ZMYND8: variants seen among roughly 807,000 people sequenced by gnomAD.
ZMYND8 encodes zinc finger MYND-type containing 8.
A neutral mutation model predicts 140.8 loss-of-function variants in ZMYND8; 37 were observed. The observed-to-expected ratio is 0.26, with a 90% confidence interval of 0.20 to 0.35. The LOEUF is 0.35. Among genes scored for constraint, ZMYND8 ranks in the 10% least tolerant of loss-of-function variants. The probability of loss-of-function intolerance (pLI) is 1.00; values close to 1 mark genes in which losing one functional copy is unlikely to be tolerated. For synonymous variants in ZMYND8, 592 were observed against 597.1 expected (o/e 0.99, Z 0.12); for missense variants, 1,068 against 1,570.0 (o/e 0.68, Z 5.40).
chr20:47,224,459 C>T lies in ZMYND8; in HGVS notation c.3114G>A (p.Ala1038=), dbSNP rs745982385. ...KKQLELEKQQ[A]VDETKKKQWC... The stretch of plus-strand genomic sequence containing the variant: ...ACTGCTTCTTCTTGGTCTCATCCAC[C>T]GCCTGCTGCTTCTCCAACTCCAGCT... Residue 1038 remains alanine (A), a synonymous_variant, in exon 19 of 23, where the codon GCG becomes GCA. Coordinates refer to ENST00000471951, the MANE Select transcript of ZMYND8 (RefSeq NM_001281775.3). The T allele has an allele frequency of 7.4e-6, 12 of 1,614,130 alleles. No homozygotes were observed. Among genetic ancestry groups the T allele is most frequent in the African/African-American group, 4.0e-5 (3 of 74,948 alleles).
chr20:47,221,522 T>C (rs1321665694), intron 19 of ZMYND8, 48 bp from the exon 20 acceptor site: 5 of 1,590,790 alleles, frequency 3.1e-6, no homozygotes, highest in South Asian at 1.1e-5. Context: ...CAGAGTACGA[T>C]GATTTTGAAA....
At chr20:47,330,655 G>A (rs548334927) in intron 2 of ZMYND8, among the ~76,000 whole-genome samples, 2 of 152,272 alleles carry the variant, frequency 1.3e-5, no homozygotes, top group East Asian at 3.9e-4. Context: ...TATGTCCCTA[G>A]AGGGAAAAGG....
intron 12 of ZMYND8, among the ~76,000 whole-genome samples, chr20:47,253,211 T>C (rs1008762469): frequency 6.6e-6 from 1 of 152,188 alleles, no homozygotes; most frequent in African/African-American, 2.4e-5. Flanking sequence ...CTCAATTGGC[T>C]GAGGGGAAGG....
intron 4 of ZMYND8, among the ~76,000 whole-genome samples, chr20:47,295,815 G>T: frequency 6.6e-6 from 1 of 152,176 alleles, no homozygotes; most frequent in Non-Finnish European, 1.5e-5. Context: ...ACATCTTAAG[G>T]CTTCAGAATC....
At chr20:47,238,610 C>T (rs2039549326) in intron 15 of ZMYND8, 148 bp downstream of exon 15, 3 of 1,381,154 alleles carry the variant, frequency 2.2e-6, no homozygotes, top group South Asian at 2.7e-5. Context: ...AAAAATAATG[C>T]CAAATGGAAT....
At chr20:47,213,790 C>G (rs1377443792) in intron 21 of ZMYND8, among the ~76,000 whole-genome samples, 3 of 152,180 alleles carry the variant, frequency 2.0e-5, no homozygotes, top group Non-Finnish European at 4.4e-5. Flanking sequence ...TAACTCTCAT[C>G]TTTTAAAGCT....
intron 9 of ZMYND8, among the ~76,000 whole-genome samples, 157 bp downstream of exon 9, chr20:47,283,414 G>A (rs564960235): frequency 5.3e-5 from 8 of 152,198 alleles, no homozygotes; most frequent in African/African-American, 1.7e-4. Context: ...ATCCTACCTG[G>A]ATTACTTTCC....
At chr20:47,349,679 C>G (rs2082613420) in intron 1 of ZMYND8, among the ~76,000 whole-genome samples, 1 of 152,190 alleles carries the variant, frequency 6.6e-6, no homozygotes, top group Non-Finnish European at 1.5e-5. Flanking sequence ...CAAATAGCAA[C>G]CTTGATCTTT....
chr20:47,356,147 T>C (rs1343570133), intron 1 of ZMYND8, among the ~76,000 whole-genome samples: 5 of 151,842 alleles, frequency 3.3e-5, no homozygotes, highest in Non-Finnish European at 7.4e-5. Flanking sequence ...CAGAACCTCT[T>C]TGGAGAGGCA....
At chr20:47,256,471 T>A (rs972685531) in intron 12 of ZMYND8, among the ~76,000 whole-genome samples, 5 of 150,136 alleles carry the variant, frequency 3.3e-5, no homozygotes, top group African/African-American at 1.2e-4. Context: ...ATACAAAAAA[T>A]TAGCCAGGCA....
intron 6 of ZMYND8, 58 bp from the exon 7 acceptor site, chr20:47,290,332 G>T: frequency 6.8e-7 from 1 of 1,476,008 alleles, no homozygotes; most frequent in South Asian, 1.2e-5. Context: ...CACAGTCAGT[G>T]ACTCTTGTGT....
intron 2 of ZMYND8, among the ~76,000 whole-genome samples, chr20:47,326,117 C>A (rs938871388): frequency 1.2e-4 from 19 of 152,146 alleles, no homozygotes; most frequent in Admixed American, 6.5e-5. Flanking sequence ...GCTACCACGC[C>A]CGGCTAATTC....
At chr20:47,333,456 C>A (rs2081115716) in intron 2 of ZMYND8, among the ~76,000 whole-genome samples, 1 of 152,058 alleles carries the variant, frequency 6.6e-6, no homozygotes, top group South Asian at 2.1e-4. Context: ...CATGGCAGGG[C>A]ACAGTGGCTC....
intron 2 of ZMYND8, among the ~76,000 whole-genome samples, chr20:47,327,440 A>G (rs1407337790): frequency 6.6e-6 from 1 of 151,916 alleles, no homozygotes; most frequent in Non-Finnish European, 1.5e-5. Context: ...GATCGTTTGA[A>G]GTCAGGGGTT....
chr20:47,258,702 T>C (rs570522382), intron 12 of ZMYND8, among the ~76,000 whole-genome samples: 1 of 152,170 alleles, frequency 6.6e-6, no homozygotes, highest in African/African-American at 2.4e-5. Flanking sequence ...TGTCCCTGTC[T>C]GGGGAAAGTC....
At chr20:47,293,651 C>T (rs1045044569) in intron 5 of ZMYND8, among the ~76,000 whole-genome samples, 2 of 152,214 alleles carry the variant, frequency 1.3e-5, no homozygotes, top group Non-Finnish European at 2.9e-5. Flanking sequence ...ATTTTCCTAA[C>T]TCCCATGGGA....
rs542031735 is a variant in ZMYND8, at chr20:47,292,927, G to A, written c.568-1039C>T. Among the ~76,000 whole-genome samples, 21 of 151,602 alleles carry A rather than the reference G, an allele frequency of 1.4e-4. No individual in the cohort carries two copies. In the South Asian group the frequency reaches 1.9e-3, roughly 14 times the overall value. ...AATAAAAAAGTTAGCTGGGTGTGGCGGTGTGTGCATCTATAGTTCCAGCTA... is the reference window on the plus strand; with the variant it reads ...AATAAAAAAGTTAGCTGGGTGTGGCAGTGTGTGCATCTATAGTTCCAGCTA... On this transcript the variant is annotated intron_variant, in intron 5 of 22. Coordinates refer to ENST00000471951, the MANE Select transcript of ZMYND8 (RefSeq NM_001281775.3).
At chr20:47,217,285 TACA>T (rs779906602) in intron 21 of ZMYND8, among the ~76,000 whole-genome samples, 12 of 152,322 alleles carry the variant, frequency 7.9e-5, no homozygotes, top group African/African-American at 2.6e-4. Context: ...ATTTTTGAGT[TACA>T]ACAATTTTAT....
intron 2 of ZMYND8, among the ~76,000 whole-genome samples, chr20:47,313,430 G>C (rs377523415): frequency 1.3e-5 from 2 of 151,452 alleles, no homozygotes; most frequent in Non-Finnish European, 2.9e-5. Context: ...AGACCATCCT[G>C]GCTAACATGG....
Sources: allele counts gnomAD v4.1 joint callset (sites outside exome capture counted in the v4.1 genomes callset), GRCh38; gene constraint gnomAD v4.1.1; transcripts MANE v1.5; gene names NCBI Gene and HGNC (gene_info 2026-07-23, HGNC 2026-07-21).